Variants in ANKRD26 observed in about 807,000 individuals in gnomAD.
ANKRD26 encodes ankyrin repeat domain 26.
In ANKRD26, 141 loss-of-function variants were observed where a neutral mutation model predicts 208.7. The observed-to-expected ratio is 0.68, with a 90% CI of 0.59 to 0.78. The LOEUF (loss-of-function observed/expected upper bound fraction) is 0.78, where lower values mean the gene tolerates loss of function less well. ANKRD26 is among the 30% of genes least tolerant of loss of function. The pLI is 0.00. For synonymous variants in ANKRD26, 636 were observed against 660.4 expected, an observed-to-expected ratio of 0.96 and a Z score of 0.57; for missense variants, 1,889 against 1,938.7, an observed-to-expected ratio of 0.97 and a Z score of 0.48.
In ANKRD26 at chr10:27,038,050, TA is replaced by T; in HGVS notation, c.2379del (p.Phe793LeufsTer3). 6.2e-7 allele frequency: 1 copy of T among 1,608,354 alleles called. No individual in the cohort carries two copies. On this transcript the variant is annotated frameshift_variant, in exon 22 of 34. Coordinates refer to ENST00000376087, the MANE Select transcript of ANKRD26 (RefSeq NM_014915.3). LOFTEE classifies it high-confidence loss of function. ...CTCTTCTCTTCTTCTTGGTTTAAGCTAAATCTGCAGTTAAATATGTTTATCT... is the reference window on the plus strand; with the variant it reads ...CTCTTCTCTTCTTCTTGGTTTAAGCTAATCTGCAGTTAAATATGTTTATCT... ...EWERELCSLR[F>X]SLNQEEEKRR...
chr10:27,013,440 G>C (rs367900441), intron 31 of ANKRD26, among the ~76,000 whole-genome samples: 1 of 152,260 alleles, frequency 6.6e-6, no homozygotes, highest in African/African-American at 2.4e-5. Context: ...TAAGATTCCT[G>C]AGGATGCCAT....
In ANKRD26 at chr10:27,077,449, G is replaced by T; in HGVS notation, c.966C>A (p.Ser322Arg). ...GGACTTTGATTGATGTTGTAGGAAG[G>T]CTTTCAACCACAACTTCATCTTGAC... ...SDSQDEVVVE[S>R]LPTTSIKVQC... is the part of the protein sequence containing the mutation. The change falls in exon 9 of 34, where the codon AGC (serine) becomes AGA (arginine). Residue 322 changes from serine to arginine, a missense_variant. This residue lies in a region of ANKRD26 where 1,272 missense variants were observed against 1,273.8 expected (regional missense o/e 1.00). Transcript: ENST00000376087. The T allele has an allele frequency of 4.3e-6, 7 of 1,613,828 alleles. No homozygotes were observed. Among genetic ancestry groups the T allele is most frequent in the Non-Finnish European group, 5.1e-6 (6 of 1,179,792 alleles).
downstream of ANKRD26, among the ~76,000 whole-genome samples, chr10:26,970,266 G>A (rs1054404558): frequency 3.3e-5 from 5 of 152,100 alleles, no homozygotes; most frequent in Non-Finnish European, 7.3e-5. Context: ...CAGTATTGGA[G>A]GTGGGGCCTG....
intron 13 of ANKRD26, among the ~76,000 whole-genome samples, chr10:27,060,851 T>A (rs1036061986): frequency 6.6e-6 from 1 of 152,232 alleles, no homozygotes; most frequent in Admixed American, 6.5e-5. Flanking sequence ...TGGAGAAAAG[T>A]AATCTTTAAT....
chr10:27,076,091 A>T (rs973248702), intron 9 of ANKRD26, among the ~76,000 whole-genome samples: 1 of 152,216 alleles, frequency 6.6e-6, no homozygotes. Flanking sequence ...AACCTCTTAC[A>T]GCAAATCAGT....
the ANKRD26 span, among the ~76,000 whole-genome samples, chr10:26,951,013 C>CTTTTCTTTTTTTTTTTTTTTT: frequency 2.8e-4 from 28 of 100,916 alleles, 2 homozygotes; most frequent in East Asian, 1.9e-3. Context: ...CTTTTCTTTT[C>CTTTTCTTTTTTTTTTTTTTTT]TTTTTCTTTT....
At chr10:27,028,313 G>A (rs561261772) in intron 27 of ANKRD26, among the ~76,000 whole-genome samples, 1 of 151,918 alleles carries the variant, frequency 6.6e-6, no homozygotes, top group Admixed American at 6.6e-5. Context: ...ATTCATAAAA[G>A]TGGCCGGGCA....
intron 1 of ANKRD26, among the ~76,000 whole-genome samples, chr10:27,097,503 T>C (rs1215606257): frequency 6.6e-6 from 1 of 152,094 alleles, no homozygotes; most frequent in African/African-American, 2.4e-5. Context: ...GTCTGCTACA[T>C]AACAGGTATT....
chr10:27,066,400 A>G lies in ANKRD26; in HGVS notation c.1269+87T>C. 2.9e-6 allele frequency: 3 copies of G among 1,051,366 alleles called. No individual in the cohort carries two copies. In the East Asian group the frequency reaches 7.2e-5, roughly 25 times the overall value. The allele number at this position is 1,051,366 out of a possible 1,614,324, so 65.1% of individuals were successfully genotyped here. On this transcript the variant is annotated intron_variant, in intron 11 of 33. Transcript: ENST00000376087. ...GTTCCTTATGGATGTATGCAGAGGT[A>G]AAAAAGTCAAGTCAAAGCATCTCTT...
chr10:27,061,284 T>A (rs1347684762), intron 12 of ANKRD26, 42 bp from the exon 13 acceptor site: 1 of 1,349,050 alleles, frequency 7.4e-7, no homozygotes, highest in Non-Finnish European at 1.0e-6. Context: ...TTGTAATATT[T>A]ATCAAAAGGA....
At chr10:26,981,488 G>T (rs1362299660) in intron 4 of ANKRD26, among the ~76,000 whole-genome samples, 1 of 152,122 alleles carries the variant, frequency 6.6e-6, no homozygotes, top group Non-Finnish European at 1.5e-5. Flanking sequence ...TGCGCAGTAG[G>T]GCTGTGTGTC....
intron 32 of ANKRD26, among the ~76,000 whole-genome samples, chr10:27,011,625 C>T (rs1402162190): frequency 6.6e-6 from 1 of 152,106 alleles, no homozygotes; most frequent in Non-Finnish European, 1.5e-5. Context: ...TTGCAAGGTT[C>T]CTCTTCAATG....
At chr10:27,077,268 A>G in intron 9 of ANKRD26, 70 bp downstream of exon 9, 1 of 1,256,312 alleles carries the variant, frequency 8.0e-7, no homozygotes, top group Non-Finnish European at 1.2e-6. Flanking sequence ...ATCTCAATAG[A>G]TGCATCATTA....
rs886046946 is a variant in ANKRD26 at position 27,048,887 on chromosome 10, AT to A, written c.1727del (p.Asp576ValfsTer6). 2.5e-6 allele frequency: 4 copies of A among 1,613,166 alleles called. No homozygotes were observed. The highest frequency in any genetic ancestry group is 3.4e-6 in the Non-Finnish European group (4 of 1,179,644). On this transcript the variant is annotated frameshift_variant, in exon 17 of 34. Coordinates refer to ENST00000376087, the MANE Select transcript of ANKRD26 (RefSeq NM_014915.3). LOFTEE classifies it high-confidence loss of function. ...DGATDDAEDD[D>X]DDDGLIQKRK... is the part of the protein sequence containing the mutation. ...TTTTTTGAATTAATCCATCATCATC[AT>A]CATCATCTTCAGCATCATCAGTAGC...
At chr10:26,973,649 C>CCT (rs2052181281), downstream of ANKRD26, among the ~76,000 whole-genome samples, 1 of 88,428 alleles carries the variant, frequency 1.1e-5, no homozygotes, top group Non-Finnish European at 2.0e-5. Flanking sequence ...TTTATTTGTC[C>CCT]TTTTTTTTTT....
At chr10:26,987,774 T>C (rs2052414898), downstream of ANKRD26, among the ~76,000 whole-genome samples, 1 of 152,124 alleles carries the variant, frequency 6.6e-6, no homozygotes, top group Non-Finnish European at 1.5e-5. Flanking sequence ...TTAAGTATGA[T>C]GAGAGTTTAG....
intron 21 of ANKRD26, among the ~76,000 whole-genome samples, chr10:27,039,376 C>G (rs1007178448): frequency 6.6e-6 from 1 of 151,802 alleles, no homozygotes; most frequent in Non-Finnish European, 1.5e-5. Flanking sequence ...ATTGCTTAAA[C>G]CTGGGAGGCG....
chr10:27,038,321 T>C (rs2054111092), intron 21 of ANKRD26, among the ~76,000 whole-genome samples: 1 of 152,326 alleles, frequency 6.6e-6, no homozygotes, highest in Admixed American at 6.5e-5. Flanking sequence ...TGGAAAAAGA[T>C]ATTGGAAATG....
intron 25 of ANKRD26, 61 bp from the exon 26 acceptor site, chr10:27,029,417 C>T (rs911906458): frequency 6.6e-7 from 1 of 1,507,632 alleles, no homozygotes; most frequent in Admixed American, 1.8e-5. Flanking sequence ...CTGTCCATTA[C>T]CTGTTTTTGT....
Sources: allele counts gnomAD v4.1 joint callset (sites outside exome capture counted in the v4.1 genomes callset), GRCh38; gene constraint gnomAD v4.1.1; regional missense constraint gnomAD v4.1.1; transcripts MANE v1.5; gene names NCBI Gene and HGNC (gene_info 2026-07-23, HGNC 2026-07-21).